KAZN: variants seen among roughly 807,000 people sequenced by gnomAD.
The protein encoded by KAZN is kazrin, periplakin interacting protein, also known as kazrin.
In KAZN, 40 loss-of-function variants were observed where a neutral mutation model predicts 87.4. The observed-to-expected ratio is 0.46, with a 90% CI of 0.36 to 0.60. KAZN has a LOEUF of 0.60. Among genes scored for constraint, KAZN ranks in the 20% least tolerant of loss-of-function variants. The pLI, the probability that KAZN is intolerant of heterozygous loss-of-function variation, is 0.00. For missense variants in KAZN, 898 were observed against 1,073.9 expected (o/e 0.84, Z 2.29); for synonymous variants, 466 against 458.3 (o/e 1.02, Z -0.22).
intron 2 of KAZN, among the ~76,000 whole-genome samples, chr1:14,457,062 A>G (rs1667605685): frequency 6.6e-6 from 1 of 152,234 alleles, no homozygotes; most frequent in Non-Finnish European, 1.5e-5. Context: ...CCTGGGTGAC[A>G]GAGCGAGACT....
At chr1:14,227,105 A>G (rs1647360572) in intron 2 of KAZN, among the ~76,000 whole-genome samples, 1 of 149,546 alleles carries the variant, frequency 6.7e-6, no homozygotes, top group Non-Finnish European at 1.5e-5. Flanking sequence ...TGAAGTAGCC[A>G]CAGATTTATT....
intron 2 of KAZN, among the ~76,000 whole-genome samples, chr1:14,339,586 T>C (rs554525796): frequency 6.6e-6 from 1 of 152,264 alleles, no homozygotes; most frequent in Admixed American, 6.5e-5. Context: ...AAAAAACTGA[T>C]ATTCGAGCTC....
chr1:14,716,673 C>A (rs910204916), intron 1 of KAZN, among the ~76,000 whole-genome samples: 4 of 152,162 alleles, frequency 2.6e-5, no homozygotes, highest in Admixed American at 6.5e-5. Context: ...GAAAGGCTGG[C>A]ATTTCACCAT....
intron 2 of KAZN, among the ~76,000 whole-genome samples, chr1:14,565,579 T>G (rs1674506751): frequency 6.6e-6 from 1 of 152,176 alleles, no homozygotes; most frequent in African/African-American, 2.4e-5. Context: ...GTTAAAGATT[T>G]CCCTGTAGCA....
At chr1:14,633,264 G>C (rs923968953) in intron 1 of KAZN, among the ~76,000 whole-genome samples, 2 of 152,166 alleles carry the variant, frequency 1.3e-5, no homozygotes, top group Non-Finnish European at 2.9e-5. Flanking sequence ...GATACTGGTA[G>C]GCTCAAGTCC....
At chr1:15,030,163 C>G (rs1002321888) in intron 2 of KAZN, among the ~76,000 whole-genome samples, 1 of 152,356 alleles carries the variant, frequency 6.6e-6, no homozygotes, top group East Asian at 1.9e-4. Context: ...ATCCCATGCG[C>G]ATGTGCAAAT....
intron 1 of KAZN, among the ~76,000 whole-genome samples, chr1:14,848,066 T>A (rs1282506580): frequency 1.3e-4 from 20 of 152,216 alleles, no homozygotes; most frequent in Non-Finnish European, 5.9e-5. Flanking sequence ...CACATACGCA[T>A]GAAAAACATG....
At chr1:14,777,772 T>A (rs1308358787) in intron 1 of KAZN, among the ~76,000 whole-genome samples, 1 of 152,188 alleles carries the variant, frequency 6.6e-6, no homozygotes, top group Non-Finnish European at 1.5e-5. Context: ...AAATAAGGGA[T>A]AGATTACTTG....
chr1:14,978,095 G>A (rs1209106571), intron 2 of KAZN, among the ~76,000 whole-genome samples: 1 of 152,040 alleles, frequency 6.6e-6, no homozygotes, highest in East Asian at 1.9e-4. Context: ...TTCTGGTCCA[G>A]GCGAACGCTC....
chr1:14,099,023 G>A (rs1173386015), intron 1 of KAZN, among the ~76,000 whole-genome samples: 1 of 152,158 alleles, frequency 6.6e-6, no homozygotes, highest in African/African-American at 2.4e-5. Context: ...CTAAGGCTTG[G>A]TGGGGAGAAA....
chr1:14,551,146 C>T (rs535385374), intron 2 of KAZN, among the ~76,000 whole-genome samples: 4 of 152,274 alleles, frequency 2.6e-5, no homozygotes, highest in South Asian at 2.1e-4. Context: ...AACCCCTCAG[C>T]CCTACTGGCC....
At chr1:14,779,651 G>T (rs1444835433) in intron 1 of KAZN, among the ~76,000 whole-genome samples, 1 of 152,192 alleles carries the variant, frequency 6.6e-6, no homozygotes, top group Non-Finnish European at 1.5e-5. Context: ...TGTGCACTTT[G>T]TTAATTTCCT....
intron 1 of KAZN, among the ~76,000 whole-genome samples, chr1:14,661,903 G>A (rs935596765): frequency 1.7e-4 from 26 of 152,152 alleles, no homozygotes; most frequent in African/African-American, 6.0e-4. Flanking sequence ...GCAACAGAAC[G>A]AGACTCTGTT....
chr1:14,561,888 A>T (rs1374226217), intron 2 of KAZN, among the ~76,000 whole-genome samples: 1 of 151,284 alleles, frequency 6.6e-6, no homozygotes, highest in Non-Finnish European at 1.5e-5. Flanking sequence ...TTCATGAAAG[A>T]GCAAAACTCC....
chr1:14,612,664 A>T (rs1677912032), intron 1 of KAZN, among the ~76,000 whole-genome samples: 1 of 152,146 alleles, frequency 6.6e-6, no homozygotes, highest in Non-Finnish European at 1.5e-5. Context: ...TAGACATTCT[A>T]GGCCAGATAA....
chr1:14,679,038 G>A (rs1485516870), intron 1 of KAZN, among the ~76,000 whole-genome samples: 1 of 152,234 alleles, frequency 6.6e-6, no homozygotes, highest in Admixed American at 6.5e-5. Flanking sequence ...TTTACCTTTT[G>A]CAAGCCTACT....
At chr1:14,294,190 G>A (rs1203350083) in intron 2 of KAZN, among the ~76,000 whole-genome samples, 1 of 152,120 alleles carries the variant, frequency 6.6e-6, no homozygotes, top group Non-Finnish European at 1.5e-5. Context: ...ACTTCCCTAA[G>A]CATCATGCAA....
chr1:14,662,032 T>C (rs528438971), intron 1 of KAZN, among the ~76,000 whole-genome samples: 4 of 152,304 alleles, frequency 2.6e-5, no homozygotes, highest in South Asian at 2.1e-4. Context: ...ATGTTCCTTA[T>C]ACCATGAGCC....
At chr1:14,785,732 T>C (rs1185856707) in intron 1 of KAZN, among the ~76,000 whole-genome samples, 3 of 152,194 alleles carry the variant, frequency 2.0e-5, no homozygotes, top group Non-Finnish European at 4.4e-5. Context: ...GTTGTGAAGA[T>C]TAAATAATAT....
Sources: allele counts gnomAD v4.1 joint callset (sites outside exome capture counted in the v4.1 genomes callset), GRCh38; gene constraint gnomAD v4.1.1; transcripts MANE v1.5; gene names NCBI Gene and HGNC (gene_info 2026-07-23, HGNC 2026-07-21).